Variants in DMTN observed in about 807,000 individuals in gnomAD.
DMTN encodes dematin actin binding protein.
Under a neutral mutation model 59.4 loss-of-function variants are expected in DMTN, and 27 were observed. That is an observed-to-expected ratio of 0.45 (90% CI 0.33 to 0.63). The LOEUF is 0.63. DMTN is among the 20% of genes least tolerant of loss of function. The probability of loss-of-function intolerance (pLI) is 0.02; values close to 1 mark genes in which losing one functional copy is unlikely to be tolerated. For missense variants in DMTN, 451 were observed against 528.9 expected, an observed-to-expected ratio of 0.85 and a Z score of 1.45; for synonymous variants, 221 against 203.7, an observed-to-expected ratio of 1.08 and a Z score of -0.72.
At chr8:22,072,478 C>T in intron 9 of DMTN, 28 bp downstream of exon 9, 1 of 1,534,226 alleles carries the variant, frequency 6.5e-7, no homozygotes, top group Non-Finnish European at 8.8e-7. Flanking sequence ...CCACCCTCCA[C>T]CCCTGTGCAG....
chr8:22,053,079 C>T (rs750731435), upstream of DMTN, among the ~76,000 whole-genome samples: 11 of 151,946 alleles, frequency 7.2e-5, no homozygotes, highest in African/African-American at 2.2e-4. Flanking sequence ...CGGAAAATGA[C>T]GAGAGGAAAA....
At chr8:22,080,076 C>G in intron 10 of DMTN, 104 bp from the exon 11 acceptor site, 1 of 1,358,724 alleles carries the variant, frequency 7.4e-7, no homozygotes, top group African/African-American at 1.4e-5. Flanking sequence ...CAGCGTGATC[C>G]CTTCCTGCCC....
chr8:22,051,393 T>C (rs540269139), upstream of DMTN, among the ~76,000 whole-genome samples: 5 of 152,220 alleles, frequency 3.3e-5, no homozygotes, highest in South Asian at 1.0e-3. Context: ...CACAAACTGG[T>C]TCCACTTACA....
chr8:22,070,886 A>G (rs1360196331), intron 8 of DMTN, among the ~76,000 whole-genome samples: 1 of 152,050 alleles, frequency 6.6e-6, no homozygotes, highest in South Asian at 2.1e-4. Flanking sequence ...CGTACACACT[A>G]TTAAGCTCCC....
chr8:22,068,925 T>G, intron 4 of DMTN, 91 bp from the exon 5 acceptor site: 1 of 1,451,870 alleles, frequency 6.9e-7, no homozygotes, highest in Non-Finnish European at 9.7e-7. Context: ...GTGTGCGGCT[T>G]TGGGTGGGGG....
At chr8:22,054,863 T>G (rs1334578239), upstream of DMTN, 1 of 141,308 alleles carries the variant, frequency 7.1e-6, no homozygotes, top group African/African-American at 2.7e-5. Flanking sequence ...CCTCCCCCCC[T>G]CCCTGCTGCC....
intron 14 of DMTN, 94 bp downstream of exon 14, chr8:22,080,964 AAGAT>A: frequency 1.3e-6 from 2 of 1,496,356 alleles, no homozygotes; most frequent in Middle Eastern, 1.8e-4. Context: ...CCTGGTGTTG[AAGAT>A]GGGAGGGATG....
At position 22,082,524 on chromosome 8, in the gene DMTN, T is replaced by C. The variant is rs1824785155; in HGVS notation, c.*1061T>C. The C allele has an allele frequency of 7.1e-6, 2 of 283,450 alleles. No homozygotes were observed. The highest frequency in any genetic ancestry group is 9.1e-5 in the Admixed American group (2 of 22,012). 17.6% of individuals were successfully genotyped at this position (283,450 alleles called of 1,614,324 possible). A position where few individuals can be genotyped will look rare whatever the true frequency, so the allele number is the denominator to read the frequency against. On this transcript the variant is annotated 3_prime_UTR_variant, in exon 16 of 16. Transcript: ENST00000358242. ...GAATTAAAAGGTTGCATTGGGTCCC[T>C]ACATCTGTCTTTTCCTTATGAGCCA...
chr8:22,068,812 C>G lies in DMTN; in HGVS notation c.250-204C>G, dbSNP rs1812848731. Reference sequence around the variant, plus strand: ...AGCCCCAGGAGTACTGAGCAAGGCTCGCGTGCTTCTCTGTGCCTCCTGTGG... The same window carrying G: ...AGCCCCAGGAGTACTGAGCAAGGCTGGCGTGCTTCTCTGTGCCTCCTGTGG... On this transcript the variant is annotated intron_variant, in intron 4 of 15. Coordinates refer to ENST00000358242, the MANE Select transcript of DMTN (RefSeq NM_001387751.1). 3.3e-5 allele frequency among the ~76,000 whole-genome samples: 5 copies of G among 152,030 alleles called. No homozygotes were observed. In the South Asian group the frequency reaches 1.0e-3, roughly 32 times the overall value.
Position 22,060,392 on chromosome 8 carries a change from CTCTT to C in DMTN, c.-172+3260_-172+3263del, listed in dbSNP as rs1805456756. ...GAGAGAAGCCAAGGAAACTCTCTCT[CTCTT>C]TCTCTCTTTCTGTCTCGCTCTCTCT... On this transcript the variant is annotated intron_variant, in intron 1 of 15. Transcript: ENST00000358242. The surrounding 1 kb of genome is among the most constrained non-coding windows in gnomAD (Gnocchi z 5.0). Among the ~76,000 whole-genome samples the C allele has an allele frequency of 6.7e-6, 1 of 149,854 alleles. No individual in the cohort carries two copies. The highest frequency in any genetic ancestry group is 2.1e-4 in the South Asian group (1 of 4,766).
At chr8:22,071,976 C>T (rs1021409219) in intron 8 of DMTN, among the ~76,000 whole-genome samples, 3 of 152,098 alleles carry the variant, frequency 2.0e-5, no homozygotes, top group Non-Finnish European at 1.5e-5. Context: ...TCACTGTAGC[C>T]TCGAATTACT....
In DMTN at chr8:22,073,767, A is replaced by C; in HGVS notation, c.767A>C (p.Glu256Ala). Reference sequence around the variant, plus strand: ...TTGGGAAAGATGATCTTGAAAGAAGAGATGGAAAAGTCATTGCCGATCCGA... The same window carrying C: ...TTGGGAAAGATGATCTTGAAAGAAGCGATGGAAAAGTCATTGCCGATCCGA... Reference protein sequence around the residue: ...SNLGKMILKEEMEKSLPIRRK... With the variant: ...SNLGKMILKEAMEKSLPIRRK... The change falls in exon 10 of 16, where the codon GAG (glutamate) becomes GCG (alanine). Residue 256 changes from glutamate (E) to alanine (A), a missense_variant. By Grantham distance (107) the Glu-to-Ala change is moderately radical (BLOSUM62 -1). Transcript: ENST00000358242. 1 of 1,614,018 alleles carries C rather than the reference A, an allele frequency of 6.2e-7. No homozygotes were observed. The highest frequency in any genetic ancestry group is 8.5e-7 in the Non-Finnish European group (1 of 1,179,968).
At chr8:22,080,724 T>C in intron 13 of DMTN, 81 bp from the exon 14 acceptor site, 2 of 1,583,756 alleles carry the variant, frequency 1.3e-6, no homozygotes, top group Admixed American at 1.9e-5. Context: ...CAGAGTTGCC[T>C]GGTGAAGAAG....
At chr8:22,070,490 C>A (rs927180088) in intron 8 of DMTN, 156 bp downstream of exon 8, 4 of 864,732 alleles carry the variant, frequency 4.6e-6, no homozygotes, top group Non-Finnish European at 6.7e-6. Flanking sequence ...GCTCCTTGCT[C>A]ACTCACTCTC....
At chr8:22,076,790 A>T (rs2131394589) in intron 10 of DMTN, among the ~76,000 whole-genome samples, 1 of 152,032 alleles carries the variant, frequency 6.6e-6, no homozygotes, top group Middle Eastern at 3.4e-3. Flanking sequence ...ATATATATAT[A>T]TTAGAGGGCT....
chr8:22,080,835 CG>C lies in DMTN; in HGVS notation c.993del (p.Asn332ThrfsTer17). On this transcript the variant is annotated frameshift_variant, in exon 14 of 16. Transcript: ENST00000358242. LOFTEE classifies it high-confidence loss of function. Reference protein sequence around the residue: ...NGEGQRGRMDRGNSLPCVLEQ... With the variant: ...NGEGQRGRMDXGNSLPCVLEQ... ...AGAGGGCCAGAGGGGGAGGATGGACCGGGGGAACTCCCTGCCCTGTGTGCTG... is the reference window on the plus strand; with the variant it reads ...AGAGGGCCAGAGGGGGAGGATGGACCGGGGAACTCCCTGCCCTGTGTGCTG... 1.9e-6 allele frequency: 3 copies of C among 1,597,500 alleles called. No homozygotes were observed. Among genetic ancestry groups the C allele is most frequent in the Non-Finnish European group, 1.7e-6 (2 of 1,169,358 alleles).
At chr8:22,081,092 T>TGGGGGGGGGGGGGGGGGGGGGGGGG in intron 14 of DMTN, 21 bp from the exon 15 acceptor site, 198 of 1,547,118 alleles carry the variant, frequency 1.3e-4, no homozygotes, top group Non-Finnish European at 1.6e-4. Context: ...AGCCTAAGAT[T>TGGGGGGGGGGGGGGGGGGGGGGGGG]GCCCCTCCCC....
chr8:22,066,989 C>A, intron 2 of DMTN, 96 bp downstream of exon 2: 1 of 1,271,516 alleles, frequency 7.9e-7, no homozygotes, highest in Non-Finnish European at 1.0e-6. Flanking sequence ...CGCGCAGCGC[C>A]GCGCAGCGCC....
chr8:22,052,250 T>C (rs116386944), upstream of DMTN, among the ~76,000 whole-genome samples: 4,248 of 152,296 alleles, frequency 0.028, 199 homozygotes, highest in African/African-American at 0.096. Context: ...TTCCGCTAAA[T>C]AGCAAGTGCC....
Sources: allele counts gnomAD v4.1 joint callset (sites outside exome capture counted in the v4.1 genomes callset), GRCh38; gene constraint gnomAD v4.1.1; non-coding constraint Gnocchi (gnomAD v3.1); transcripts MANE v1.5; gene names NCBI Gene and HGNC (gene_info 2026-07-23, HGNC 2026-07-21).